The following IL1R1 variants were observed in gnomAD, a reference collection of about 807,000 sequenced individuals.
IL1R1 encodes the protein interleukin-1 receptor type 1.
Under a neutral mutation model 50.2 loss-of-function variants are expected in IL1R1, and 22 were observed. That is an observed-to-expected ratio of 0.44 (90% CI 0.31 to 0.63). IL1R1 has a LOEUF of 0.63. IL1R1 is among the 20% of genes least tolerant of loss of function. The probability of loss-of-function intolerance (pLI) is 0.07; values close to 1 mark genes in which losing one functional copy is unlikely to be tolerated. For synonymous variants in IL1R1, 251 were observed against 236.7 expected, an observed-to-expected ratio of 1.06 and a Z score of -0.55; for missense variants, 509 against 676.2, an observed-to-expected ratio of 0.75 and a Z score of 2.74.
chr2:102,129,130 G>C (rs577680317), intron 1 of IL1R1, among the ~76,000 whole-genome samples: 1 of 152,150 alleles, frequency 6.6e-6, no homozygotes, highest in African/African-American at 2.4e-5. Context: ...AGGAATACTT[G>C]AGCCCAGGAG....
At chr2:102,094,722 C>G (rs1019469425) in intron 1 of IL1R1, among the ~76,000 whole-genome samples, 2 of 152,024 alleles carry the variant, frequency 1.3e-5, no homozygotes, top group African/African-American at 4.8e-5. Flanking sequence ...TTTATGTGTG[C>G]GTTACCAGGT....
At chr2:102,103,301 G>C (rs1306151219), upstream of IL1R1, among the ~76,000 whole-genome samples, 2 of 152,076 alleles carry the variant, frequency 1.3e-5, no homozygotes, top group Non-Finnish European at 2.9e-5. Context: ...ATGCTTGAGT[G>C]GGGTCTGCTT....
intron 1 of IL1R1, among the ~76,000 whole-genome samples, chr2:102,091,761 C>T (rs1487882370): frequency 6.6e-6 from 1 of 152,182 alleles, no homozygotes; most frequent in African/African-American, 2.4e-5. Context: ...TGACCAAGCT[C>T]TCTTTATCCC....
upstream of IL1R1, among the ~76,000 whole-genome samples, chr2:102,103,886 C>A (rs1009779695): frequency 1.4e-5 from 2 of 146,702 alleles, no homozygotes; most frequent in African/African-American, 5.0e-5. Flanking sequence ...CCCAGCTACT[C>A]GGGCTGAGGC....
rs148176328 is a variant in IL1R1, at chr2:102,133,592, G to C, written c.-83-20349G>C. On this transcript the variant is annotated intron_variant, in intron 1 of 10. Transcript: ENST00000409329. Reference sequence around the variant, plus strand: ...AGTAGGTATTATCCCAAGAATGTAAGATTGGCTTAGCATTGGAAAAATCCA... The same window carrying C: ...AGTAGGTATTATCCCAAGAATGTAACATTGGCTTAGCATTGGAAAAATCCA... 3.5e-4 allele frequency among the ~76,000 whole-genome samples: 53 copies of C among 152,312 alleles called. 1 individual carries two copies. In the East Asian group the frequency reaches 7.5e-3, roughly 22 times the overall value.
intron 3 of IL1R1, among the ~76,000 whole-genome samples, chr2:102,163,354 AC>A (rs1684894449): frequency 6.6e-6 from 1 of 152,180 alleles, no homozygotes; most frequent in Admixed American, 6.5e-5. Flanking sequence ...GATTCATATT[AC>A]ATGTATTGAA....
intron 1 of IL1R1, among the ~76,000 whole-genome samples, chr2:102,083,652 A>G (rs1186805298): frequency 6.6e-6 from 1 of 152,178 alleles, no homozygotes; most frequent in African/African-American, 2.4e-5. Flanking sequence ...GCTTTTTAAA[A>G]GTGGAAATAT....
intron 1 of IL1R1, among the ~76,000 whole-genome samples, chr2:102,112,695 G>A (rs1172660932): frequency 6.6e-6 from 1 of 152,218 alleles, no homozygotes; most frequent in Non-Finnish European, 1.5e-5. Context: ...AACTTGAAAT[G>A]TGTCTGTGTT....
At chr2:102,119,439 GAACTGAGATGCC>G (rs1224402937) in intron 1 of IL1R1, among the ~76,000 whole-genome samples, 1 of 152,166 alleles carries the variant, frequency 6.6e-6, no homozygotes, top group East Asian at 1.9e-4. Context: ...TTAACTTCTG[GAACTGAGATGCC>G]AATGATGCAA....
At chr2:102,132,165 C>T (rs1481168207) in intron 1 of IL1R1, among the ~76,000 whole-genome samples, 1 of 151,156 alleles carries the variant, frequency 6.6e-6, no homozygotes, top group Non-Finnish European at 1.5e-5. Flanking sequence ...ACTAACAGAC[C>T]TGCACTACAA....
chr2:102,142,353 G>A (rs1353688105), upstream of IL1R1: 1 of 152,230 alleles, frequency 6.6e-6, no homozygotes, highest in African/African-American at 2.4e-5. Flanking sequence ...AGGTCGCTCT[G>A]GCGAGCGTTT....
At chr2:102,139,049 G>GT (rs543978955), upstream of IL1R1, among the ~76,000 whole-genome samples, 1,094 of 152,214 alleles carry the variant, frequency 7.2e-3, 52 homozygotes, top group Non-Finnish European at 2.0e-3. Context: ...CCCTGCATTT[G>GT]TTTTTTCTGA....
At chr2:102,129,147 G>A (rs1170598877) in intron 1 of IL1R1, among the ~76,000 whole-genome samples, 5 of 152,072 alleles carry the variant, frequency 3.3e-5, no homozygotes, top group Non-Finnish European at 7.4e-5. Context: ...GGAGATTGAG[G>A]CTGCAGTGAG....
chr2:102,093,321 G>A (rs1679761183), intron 1 of IL1R1, among the ~76,000 whole-genome samples: 1 of 152,146 alleles, frequency 6.6e-6, no homozygotes. Flanking sequence ...AGTCCTTTCC[G>A]GAAAACCCTT....
At chr2:102,153,679 T>TC (rs1367825511) in intron 1 of IL1R1, among the ~76,000 whole-genome samples, 6 of 152,116 alleles carry the variant, frequency 3.9e-5, no homozygotes, top group Admixed American at 6.5e-5. Flanking sequence ...GTTTGGCACT[T>TC]CCCCCCTTGC....
At chr2:102,129,082 A>T (rs746372626) in intron 1 of IL1R1, among the ~76,000 whole-genome samples, 10 of 152,212 alleles carry the variant, frequency 6.6e-5, no homozygotes, top group Admixed American at 5.2e-4. Context: ...GTGGTGGTCC[A>T]GGCCTGTAGT....
At chr2:102,082,627 A>G (rs985119403) in intron 1 of IL1R1, among the ~76,000 whole-genome samples, 5 of 152,136 alleles carry the variant, frequency 3.3e-5, no homozygotes, top group Non-Finnish European at 5.9e-5. Context: ...GCTTCATCAA[A>G]CAAAACAAAA....
At chr2:102,072,028 G>A (rs576561249) in intron 1 of IL1R1, among the ~76,000 whole-genome samples, 2 of 152,116 alleles carry the variant, frequency 1.3e-5, no homozygotes, top group Admixed American at 6.6e-5. Flanking sequence ...AGGCCGAAGT[G>A]GGGGGAATCA....
At chr2:102,157,080 C>CT (rs1422136281) in intron 2 of IL1R1, among the ~76,000 whole-genome samples, 5 of 152,034 alleles carry the variant, frequency 3.3e-5, no homozygotes, top group Non-Finnish European at 4.4e-5. Flanking sequence ...TTCCTTTCCT[C>CT]TTTTTTTCAT....
Sources: gnomAD v4.1 joint callset for allele counts (sites outside exome capture counted in the v4.1 genomes callset) on GRCh38, gnomAD v4.1.1 for gene constraint, MANE v1.5 for transcripts, NCBI Gene and HGNC (gene_info 2026-07-23, HGNC 2026-07-21) for gene names.